The following DLGAP2 variants were observed in gnomAD, a reference collection of about 807,000 sequenced individuals.
DLGAP2 encodes disks large-associated protein 2.
In DLGAP2, 26 loss-of-function variants were observed where a neutral mutation model predicts 100.3. That is an observed-to-expected ratio of 0.26 (90% confidence interval 0.19 to 0.36). The LOEUF is 0.36. Among genes scored for constraint, DLGAP2 ranks in the 10% least tolerant of loss-of-function variants. The pLI is 1.00. For synonymous variants in DLGAP2, 886 were observed against 630.1 expected, an observed-to-expected ratio of 1.41 and a Z score of -6.08; for missense variants, 1,858 against 1,453.2, an observed-to-expected ratio of 1.28 and a Z score of -4.53.
intron 2 of DLGAP2, among the ~76,000 whole-genome samples, chr8:1,045,327 C>T (rs975802978): frequency 1.3e-5 from 2 of 152,160 alleles, no homozygotes; most frequent in African/African-American, 4.8e-5. Context: ...CAGTGCCCAG[C>T]GTATACTCAA....
At chr8:1,346,191 G>C (rs1252621058) in intron 3 of DLGAP2, among the ~76,000 whole-genome samples, 1 of 152,168 alleles carries the variant, frequency 6.6e-6, no homozygotes, top group Admixed American at 6.5e-5. Context: ...CCCATACAGA[G>C]CTGCATTGCA....
At chr8:772,239 A>C (rs1357449042) in intron 1 of DLGAP2, among the ~76,000 whole-genome samples, 1 of 152,094 alleles carries the variant, frequency 6.6e-6, no homozygotes, top group African/African-American at 2.4e-5. Flanking sequence ...CCATATTGAA[A>C]AAGTAAAAAC....
intron 4 of DLGAP2, among the ~76,000 whole-genome samples, chr8:1,520,460 G>A (rs969579796): frequency 9.2e-5 from 14 of 152,282 alleles, no homozygotes; most frequent in African/African-American, 2.6e-4. Context: ...CATCCTTCAC[G>A]TCAGGGGTCA....
At chr8:1,494,557 C>G (rs1413468485) in intron 3 of DLGAP2, among the ~76,000 whole-genome samples, 1 of 152,060 alleles carries the variant, frequency 6.6e-6, no homozygotes, top group Non-Finnish European at 1.5e-5. Flanking sequence ...GATGAAACCC[C>G]GTCTCTACTA....
At chr8:1,677,464 T>C (rs1339776709) in intron 11 of DLGAP2, among the ~76,000 whole-genome samples, 1 of 152,134 alleles carries the variant, frequency 6.6e-6, no homozygotes, top group African/African-American at 2.4e-5. Context: ...CTTCTATGGG[T>C]TCAGCCTGCA....
At chr8:890,016 T>C (rs1295778040) in intron 1 of DLGAP2, among the ~76,000 whole-genome samples, 1 of 152,120 alleles carries the variant, frequency 6.6e-6, no homozygotes, top group Non-Finnish European at 1.5e-5. Context: ...CCCTTCCCCG[T>C]GTGTTTCTCG....
In DLGAP2 at chr8:1,415,990, G is replaced by T. The variant is rs6981988; in HGVS notation, c.107-85376G>T. Among the ~76,000 whole-genome samples, 650 of 152,302 alleles carry T rather than the reference G, an allele frequency of 4.3e-3. 3 individuals are homozygous for T. The highest frequency in any genetic ancestry group is 0.015 in the African/African-American group (614 of 41,552). On this transcript the variant is annotated intron_variant, in intron 3 of 14. Coordinates refer to ENST00000637795, the MANE Select transcript of DLGAP2 (RefSeq NM_001346810.2). ...ATTTTTTAACATAAATTGGGGGAGG[G>T]TGATGGGTGACAAAACTGACTACCC...
At chr8:1,026,778 G>A (rs537869912) in intron 2 of DLGAP2, among the ~76,000 whole-genome samples, 2 of 152,136 alleles carry the variant, frequency 1.3e-5, no homozygotes, top group African/African-American at 2.4e-5. Context: ...TCAGTGCTAC[G>A]TATTCTATGC....
In DLGAP2 at chr8:1,626,722, C is replaced by T. The variant is rs201613336; in HGVS notation, c.1443-18C>T. ...GGGTGCTCACAGAATGCCTTTTCTC[C>T]TTTCTTCTTTCCTGTAGCCAGACCT... On this transcript the variant is annotated intron_variant, in intron 6 of 14. Coordinates refer to ENST00000637795, the MANE Select transcript of DLGAP2 (RefSeq NM_001346810.2). 1.3e-6 allele frequency: 2 copies of T among 1,584,632 alleles called. No individual in the cohort carries two copies. The highest frequency in any genetic ancestry group is 4.6e-5 in the East Asian group (2 of 43,206).
At chr8:1,631,125 C>A (rs1033266744) in intron 7 of DLGAP2, among the ~76,000 whole-genome samples, 15 of 152,122 alleles carry the variant, frequency 9.9e-5, no homozygotes, top group African/African-American at 3.6e-4. Context: ...AGATGCTGCT[C>A]AACCACTTTT....
At chr8:974,767 A>G (rs1348314808) in intron 2 of DLGAP2, among the ~76,000 whole-genome samples, 4 of 152,202 alleles carry the variant, frequency 2.6e-5, no homozygotes, top group Non-Finnish European at 5.9e-5. Flanking sequence ...AAGGAAATGT[A>G]TTTACCATTG....
intron 2 of DLGAP2, among the ~76,000 whole-genome samples, chr8:1,250,795 T>G: frequency 6.6e-6 from 1 of 152,168 alleles, no homozygotes. Flanking sequence ...TACACACGAT[T>G]TATTAATTAA....
intron 4 of DLGAP2, among the ~76,000 whole-genome samples, chr8:1,503,949 A>G (rs2130335262): frequency 6.6e-6 from 1 of 152,242 alleles, no homozygotes; most frequent in African/African-American, 2.4e-5. Flanking sequence ...AGGGACCTGA[A>G]GCAGCCAGGT....
chr8:980,215 G>A (rs754422479), intron 2 of DLGAP2, among the ~76,000 whole-genome samples: 4 of 152,156 alleles, frequency 2.6e-5, no homozygotes, highest in African/African-American at 7.2e-5. Context: ...AATCATCTGC[G>A]TGGACATTGT....
intron 2 of DLGAP2, among the ~76,000 whole-genome samples, chr8:1,249,007 C>T (rs1798977555): frequency 6.6e-6 from 1 of 152,128 alleles, no homozygotes; most frequent in African/African-American, 2.4e-5. Context: ...GGGGACATCC[C>T]ATGTTTAGGA....
At chr8:1,641,922 C>T (rs1246120375) in intron 8 of DLGAP2, among the ~76,000 whole-genome samples, 1 of 134,148 alleles carries the variant, frequency 7.5e-6, no homozygotes, top group Non-Finnish European at 1.6e-5. Context: ...CCGGCCCTCA[C>T]CTGTGTCACC....
chr8:1,681,331 T>TAA (rs61275138), intron 12 of DLGAP2, among the ~76,000 whole-genome samples: 11 of 151,068 alleles, frequency 7.3e-5, no homozygotes, highest in African/African-American at 2.4e-4. Context: ...AGATATCTTT[T>TAA]AAAAAAAAAT....
chr8:1,414,510 A>C (rs1796823850), intron 3 of DLGAP2, among the ~76,000 whole-genome samples: 1 of 152,108 alleles, frequency 6.6e-6, no homozygotes, highest in Non-Finnish European at 1.5e-5. Flanking sequence ...ACACCAGAGC[A>C]GAAGCGGAAG....
chr8:879,896 C>G (rs888930418), intron 1 of DLGAP2, among the ~76,000 whole-genome samples: 1 of 152,182 alleles, frequency 6.6e-6, no homozygotes. Flanking sequence ...AGCACTTCTC[C>G]ATTCTCCTTC....
Sources: gnomAD v4.1 joint callset for allele counts (sites outside exome capture counted in the v4.1 genomes callset) on GRCh38, gnomAD v4.1.1 for gene constraint, MANE v1.5 for transcripts, NCBI Gene and HGNC (gene_info 2026-07-23, HGNC 2026-07-21) for gene names.